Variants in CRELD1 observed in about 807,000 individuals in gnomAD.
CRELD1 encodes the protein protein disulfide isomerase CRELD1.
In CRELD1, 42 loss-of-function variants were observed where a neutral mutation model predicts 58.2. The ratio of observed to expected loss-of-function variants is 0.72; its 90% CI spans 0.56 to 0.93. The LOEUF is 0.93. Ranked by LOEUF, CRELD1 falls within the 40% of genes least tolerant of loss-of-function variation. The pLI, the probability that CRELD1 is intolerant of heterozygous loss-of-function variation, is 0.00. For missense variants in CRELD1, 500 were observed against 540.6 expected, an observed-to-expected ratio of 0.92 and a Z score of 0.74; for synonymous variants, 222 against 202.0, an observed-to-expected ratio of 1.10 and a Z score of -0.84.
chr3:9,943,837 G>T, intron 10 of CRELD1: 1 of 1,613,572 alleles, frequency 6.2e-7, no homozygotes, highest in South Asian at 1.1e-5. Context: ...TGAGATGCAG[G>T]GTAATCACAA....
chr3:9,942,919 G>A, intron 8 of CRELD1, 23 bp downstream of exon 8: 1 of 1,597,204 alleles, frequency 6.3e-7, no homozygotes, highest in African/African-American at 1.3e-5. Context: ...TTCTGCAGAG[G>A]AGGGGACGTG....
chr3:9,943,493 C>A lies in CRELD1; in HGVS notation c.1026C>A (p.Ile342=). 6.2e-7 allele frequency: 1 copy of A among 1,614,100 alleles called. No individual in the cohort carries two copies. Among genetic ancestry groups the A allele is most frequent in the South Asian group, 1.1e-5 (1 of 91,082 alleles). The change falls in exon 10 of 11, where the codon ATC becomes ATA. Residue 342 remains isoleucine (I), a synonymous_variant. Coordinates refer to ENST00000452070, the MANE Select transcript of CRELD1 (RefSeq NM_001077415.3). ...CAEGYKQMEG[I]CVKEQIPESA... ...AGGGCTACAAGCAGATGGAAGGCAT[C>A]TGTGTGAAGGAGCAGATCCCAGGTG...
intron 1 of CRELD1, chr3:9,934,142 A>G (rs1209761116): frequency 2.1e-6 from 1 of 486,628 alleles, no homozygotes; most frequent in South Asian, 2.2e-5. Flanking sequence ...ATTCTTTATC[A>G]GACCCTCAGA....
At chr3:9,940,725 G>GGGGAGGGGGAGGGGAGGGGGGGA in intron 5 of CRELD1, 125 bp from the exon 6 acceptor site, 1 of 653,320 alleles carries the variant, frequency 1.5e-6, no homozygotes, top group Admixed American at 2.1e-5. Flanking sequence ...AGAGGGAAAG[G>GGGGAGGGGGAGGGGAGGGGGGGA]GGGAGGGGGA....
intron 7 of CRELD1, 63 bp downstream of exon 7, chr3:9,941,269 T>C: frequency 7.0e-7 from 1 of 1,434,412 alleles, no homozygotes; most frequent in Non-Finnish European, 9.7e-7. Context: ...TCCTTTATTC[T>C]CTCAACACAA....
Position 9,944,699 on chromosome 3 carries a change from C to T in CRELD1, c.*120C>T. 1.0e-6 allele frequency: 1 copy of T among 994,150 alleles called. No homozygotes were observed. Among genetic ancestry groups the T allele is most frequent in the Non-Finnish European group, 1.5e-6 (1 of 654,428 alleles). 61.6% of individuals were successfully genotyped at this position (994,150 alleles called of 1,614,324 possible). On this transcript the variant is annotated 3_prime_UTR_variant, in exon 11 of 11. Coordinates refer to ENST00000452070, the MANE Select transcript of CRELD1 (RefSeq NM_001077415.3). ...TTTGAGAGTGGGGTAAGCACCCCTACCTGCCTTACAGAGCAGCCCAGGTAC... is the reference window on the plus strand; with the variant it reads ...TTTGAGAGTGGGGTAAGCACCCCTATCTGCCTTACAGAGCAGCCCAGGTAC...
At chr3:9,943,580 A>C (rs2085431435) in intron 10 of CRELD1, 65 bp downstream of exon 10, 2 of 1,610,830 alleles carry the variant, frequency 1.2e-6, no homozygotes, top group Non-Finnish European at 1.7e-6. Context: ...CCCCTTCCCC[A>C]GGTAGCAGTG....
In CRELD1 at chr3:9,944,723, AC is replaced by A; in HGVS notation, c.*147del. The A allele has an allele frequency of 1.2e-6, 1 of 802,900 alleles. No homozygotes were observed. The highest frequency in any genetic ancestry group is 2.1e-6 in the Non-Finnish European group (1 of 485,560). The allele number at this position is 802,900 out of a possible 1,614,324, so 49.7% of individuals were successfully genotyped here. A position where few individuals can be genotyped will look rare whatever the true frequency, so the allele number is the denominator to read the frequency against. On this transcript the variant is annotated 3_prime_UTR_variant, in exon 11 of 11. Coordinates refer to ENST00000452070, the MANE Select transcript of CRELD1 (RefSeq NM_001077415.3). The stretch of plus-strand genomic sequence containing the variant: ...ACCTGCCTTACAGAGCAGCCCAGGT[AC>A]CCAGGCCCGGGCAGACAAGGCCCCT...
intron 9 of CRELD1, 90 bp from the exon 10 acceptor site, chr3:9,943,291 G>T (rs1575651259): frequency 1.2e-6 from 2 of 1,602,446 alleles, no homozygotes; most frequent in Non-Finnish European, 1.7e-6. Flanking sequence ...CTGGGCAAGG[G>T]CAGAGGGGAG....
intron 7 of CRELD1, among the ~76,000 whole-genome samples, chr3:9,941,413 G>A (rs1282533140): frequency 6.6e-6 from 1 of 151,844 alleles, no homozygotes; most frequent in Non-Finnish European, 1.5e-5. Flanking sequence ...AGTGAGAGAT[G>A]CCTCTGATCT....
At chr3:9,944,152 C>CTT (rs1217562129) in intron 10 of CRELD1, 1 of 788,714 alleles carries the variant, frequency 1.3e-6, no homozygotes, top group Non-Finnish European at 2.3e-6. Context: ...AGTCCAACCC[C>CTT]TTTACCTCTC....
chr3:9,943,332 T>A, intron 9 of CRELD1, 49 bp from the exon 10 acceptor site: 1 of 1,613,282 alleles, frequency 6.2e-7, no homozygotes, highest in Non-Finnish European at 8.5e-7. Context: ...GGAGTCAGGG[T>A]GCTGGGTGGG....
chr3:9,942,673 A>C, intron 7 of CRELD1, 140 bp from the exon 8 acceptor site: 1 of 734,206 alleles, frequency 1.4e-6, no homozygotes, highest in Non-Finnish European at 2.5e-6. Flanking sequence ...AAGTCCAGCT[A>C]GTCTGCTTCT....
In CRELD1 at chr3:9,943,420, ACAAG is replaced by A. The variant is rs763909257; in HGVS notation, c.956_959del (p.Lys319SerfsTer25). On this transcript the variant is annotated frameshift_variant, in exon 10 of 11. Coordinates refer to ENST00000452070, the MANE Select transcript of CRELD1 (RefSeq NM_001077415.3). LOFTEE classifies it high-confidence loss of function. ...GAGACAGAGGTGTGTCCGGGAGAGA[ACAAG>A]CAGTGTGAAAACACCGAGGGCGGTT... 6.2e-7 allele frequency: 1 copy of A among 1,613,918 alleles called. No homozygotes were observed. Among genetic ancestry groups the A allele is most frequent in the Admixed American group, 1.7e-5 (1 of 59,998 alleles).
At position 9,944,533 on chromosome 3, in the gene CRELD1, C is replaced by CA. The variant is rs2085467144; in HGVS notation, c.1218dup (p.Glu407ArgfsTer4). The CA allele has an allele frequency of 6.2e-7, 1 of 1,611,672 alleles. No individual in the cohort carries two copies. Among genetic ancestry groups the CA allele is most frequent in the Non-Finnish European group, 8.5e-7 (1 of 1,180,004 alleles). On this transcript the variant is annotated frameshift_variant, in exon 11 of 11. Coordinates refer to ENST00000452070, the MANE Select transcript of CRELD1 (RefSeq NM_001077415.3). LOFTEE classifies it high-confidence loss of function. ...GCGGCCATGACTGGCTACTGGTTGTCAGAGCGCAGTGACCGTGTGCTGGAG... is the reference window on the plus strand; with the variant it reads ...GCGGCCATGACTGGCTACTGGTTGTCAAGAGCGCAGTGACCGTGTGCTGGAG...
chr3:9,939,096 T>C (rs892167825), intron 5 of CRELD1, among the ~76,000 whole-genome samples: 1 of 151,686 alleles, frequency 6.6e-6, no homozygotes, highest in South Asian at 2.1e-4. Flanking sequence ...CAGTGAGCTA[T>C]GATCATGTCA....
In CRELD1 at chr3:9,941,024, C is replaced by T. The variant is rs138336691; in HGVS notation, c.635C>T (p.Ser212Leu). ...AERNASHLVCSACFGPCARCS... is the reference protein window; with the variant it reads ...AERNASHLVCLACFGPCARCS... ...CGCAACGCCAGCCATCTGGTATGTT[C>T]GGGTAGGTAGCCAAAAGGTGTGGCA... is the stretch of plus-strand genomic sequence containing the variant. Residue 212 changes from serine to leucine, a missense_variant and splice_region_variant, in exon 6 of 11, where the codon TCG becomes TTG. Coordinates refer to ENST00000452070, the MANE Select transcript of CRELD1 (RefSeq NM_001077415.3). 138 of 1,614,016 alleles carry T rather than the reference C, an allele frequency of 8.6e-5. No individual in the cohort carries two copies. The highest frequency in any genetic ancestry group is 1.1e-4 in the Non-Finnish European group (130 of 1,180,020).
chr3:9,940,844 C>G lies in CRELD1; in HGVS notation c.461-6C>G, dbSNP rs955274453. ...TGACCTCACCTGGTTTGGTGTCTTCCCACAGCCTGTCCTGGGGGAACAGAG... is the reference window on the plus strand; with the variant it reads ...TGACCTCACCTGGTTTGGTGTCTTCGCACAGCCTGTCCTGGGGGAACAGAG... On this transcript the variant is annotated splice_region_variant and splice_polypyrimidine_tract_variant and intron_variant, in intron 5 of 10. Transcript: ENST00000452070. The G allele has an allele frequency of 1.2e-6, 2 of 1,607,694 alleles. No individual in the cohort carries two copies. The highest frequency in any genetic ancestry group is 1.7e-5 in the Admixed American group (1 of 59,522).
intron 3 of CRELD1, 197 bp downstream of exon 3, chr3:9,935,114 G>A: frequency 3.5e-6 from 2 of 574,080 alleles, no homozygotes; most frequent in East Asian, 5.9e-5. Flanking sequence ...GACAAGCAGT[G>A]AATGAGTAAG....
Sources: allele counts gnomAD v4.1 joint callset (sites outside exome capture counted in the v4.1 genomes callset), GRCh38; gene constraint gnomAD v4.1.1; transcripts MANE v1.5; gene names NCBI Gene and HGNC (gene_info 2026-07-23, HGNC 2026-07-21).